Variants in MLLT3 observed in about 807,000 individuals in gnomAD.
The protein encoded by MLLT3 is protein AF-9.
A neutral mutation model predicts 53.2 loss-of-function variants in MLLT3; 4 were observed. That is an observed-to-expected ratio of 0.08 (90% CI 0.04 to 0.17). The LOEUF is 0.17. MLLT3 is among the 10% of genes least tolerant of loss of function. The pLI is 1.00. For missense variants in MLLT3, 569 were observed against 684.0 expected, an observed-to-expected ratio of 0.83 and a Z score of 1.87; for synonymous variants, 283 against 230.6, an observed-to-expected ratio of 1.23 and a Z score of -2.06.
chr9:20,432,013 C>T (rs1324333630), intron 4 of MLLT3, among the ~76,000 whole-genome samples: 5 of 151,970 alleles, frequency 3.3e-5, no homozygotes, highest in East Asian at 1.9e-4. Context: ...GCAAAGGAAT[C>T]GAGTGAGAGG....
At chr9:20,590,154 G>A (rs1000629807) in intron 2 of MLLT3, among the ~76,000 whole-genome samples, 6 of 152,124 alleles carry the variant, frequency 3.9e-5, no homozygotes, top group Non-Finnish European at 7.3e-5. Context: ...CTCTAACTTA[G>A]TAGGCTTCCA....
chr9:20,619,746 C>A (rs1234913078), intron 2 of MLLT3, among the ~76,000 whole-genome samples: 2 of 152,208 alleles, frequency 1.3e-5, no homozygotes, highest in African/African-American at 4.8e-5. Flanking sequence ...CTTTAAATTT[C>A]TTTCAAAATG....
intron 5 of MLLT3, among the ~76,000 whole-genome samples, chr9:20,389,529 C>A (rs1431950900): frequency 2.6e-5 from 4 of 152,050 alleles, no homozygotes; most frequent in Non-Finnish European, 5.9e-5. Context: ...AATCTCAGTG[C>A]TTTGGGAGGC....
intron 4 of MLLT3, among the ~76,000 whole-genome samples, chr9:20,425,649 TCAAG>T (rs939771357): frequency 9.9e-5 from 15 of 152,112 alleles, no homozygotes; most frequent in Non-Finnish European, 1.5e-4. Flanking sequence ...CAAACTACAA[TCAAG>T]CATCAATCTA....
In MLLT3 at chr9:20,448,036, A is replaced by G; in HGVS notation, c.420+87T>C. ...CCTCTCCCAAAACCTTATACTTTTT[A>G]ACACATGAGGAACTAGTTTGTTTGT... On this transcript the variant is annotated intron_variant, in intron 4 of 10. Coordinates refer to ENST00000380338, the MANE Select transcript of MLLT3 (RefSeq NM_004529.4). The surrounding 1 kb of genome is among the most constrained non-coding windows in gnomAD (Gnocchi z 4.0). 7.0e-7 allele frequency: 1 copy of G among 1,431,672 alleles called. No individual in the cohort carries two copies. Among genetic ancestry groups the G allele is most frequent in the Non-Finnish European group, 9.5e-7 (1 of 1,054,824 alleles). 88.7% of individuals were successfully genotyped at this position (1,431,672 alleles called of 1,614,324 possible). A position where few individuals can be genotyped will look rare whatever the true frequency, so the allele number is the denominator to read the frequency against.
At chr9:20,557,224 G>A (rs1819083575) in intron 2 of MLLT3, among the ~76,000 whole-genome samples, 1 of 152,050 alleles carries the variant, frequency 6.6e-6, no homozygotes, top group Non-Finnish European at 1.5e-5. Context: ...GTCAGGTGCT[G>A]TGAACTGCTA....
At position 20,342,579 on chromosome 9, in the gene MLLT3, G is replaced by A. The variant is rs1383927576; in HGVS notation, c.*3864C>T. On this transcript the variant is annotated 3_prime_UTR_variant, in exon 11 of 11. Coordinates refer to ENST00000380338, the MANE Select transcript of MLLT3 (RefSeq NM_004529.4). ...TACACATTTACAGTTTACAGACAGC[G>A]GTGGCTTTGTCTTCCTTTTAAATTG... is the stretch of plus-strand genomic sequence containing the variant. 2 of 219,088 alleles carry A rather than the reference G, an allele frequency of 9.1e-6. No individual in the cohort carries two copies. The highest frequency in any genetic ancestry group is 1.9e-4 in the South Asian group (1 of 5,402). The allele number at this position is 219,088 out of a possible 1,614,324, so 13.6% of individuals were successfully genotyped here. A position where few individuals can be genotyped will look rare whatever the true frequency, so the allele number is the denominator to read the frequency against.
rs1819741225 is a variant in MLLT3 at position 20,579,715 on chromosome 9, C to CCCCA, written c.193+40935_193+40938dup. On this transcript the variant is annotated intron_variant, in intron 2 of 10. Coordinates refer to ENST00000380338, the MANE Select transcript of MLLT3 (RefSeq NM_004529.4). ...AGGGTAAAAGAGCTCTTTGCTCTAA[C>CCCCA]CCCACCCTTTTTACTCACTACTAAG... 2.6e-5 allele frequency among the ~76,000 whole-genome samples: 4 copies of CCCCA among 152,242 alleles called. No homozygotes were observed. The South Asian group carries it at 8.3e-4, about 32-fold the overall frequency.
chr9:20,516,829 G>T (rs1355852811), intron 2 of MLLT3, among the ~76,000 whole-genome samples: 2 of 152,066 alleles, frequency 1.3e-5, no homozygotes, highest in African/African-American at 4.8e-5. Flanking sequence ...TCCCTAGAAG[G>T]TATATTATTT....
At chr9:20,440,450 G>A (rs755590737) in intron 4 of MLLT3, among the ~76,000 whole-genome samples, 2 of 152,062 alleles carry the variant, frequency 1.3e-5, no homozygotes, top group Non-Finnish European at 2.9e-5. Context: ...AAGAAAACAG[G>A]CAGAAAACAA....
chr9:20,401,013 G>A (rs965608414), intron 5 of MLLT3, among the ~76,000 whole-genome samples: 37 of 152,126 alleles, frequency 2.4e-4, no homozygotes, highest in African/African-American at 8.5e-4. Context: ...GAGTTAATGT[G>A]ATAAGAATCC....
intron 2 of MLLT3, among the ~76,000 whole-genome samples, chr9:20,611,508 C>CA (rs1413684861): frequency 6.6e-6 from 1 of 151,910 alleles, no homozygotes; most frequent in Non-Finnish European, 1.5e-5. Context: ...CTAGTTTTGA[C>CA]AAAATCAAAT....
At chr9:20,417,386 T>C (rs935144152) in intron 4 of MLLT3, among the ~76,000 whole-genome samples, 1 of 148,008 alleles carries the variant, frequency 6.8e-6, no homozygotes, top group Non-Finnish European at 1.5e-5. Flanking sequence ...TATATAAATA[T>C]GTATATCTGA....
At chr9:20,481,202 C>T (rs904541070) in intron 2 of MLLT3, among the ~76,000 whole-genome samples, 1 of 152,192 alleles carries the variant, frequency 6.6e-6, no homozygotes, top group Non-Finnish European at 1.5e-5. Context: ...TGTTTGGGAA[C>T]TGGAATATTA....
At chr9:20,371,613 C>T (rs1187515344) in intron 5 of MLLT3, among the ~76,000 whole-genome samples, 5 of 152,188 alleles carry the variant, frequency 3.3e-5, no homozygotes, top group African/African-American at 1.2e-4. Context: ...TTTGAGCCCA[C>T]TGTTGAGACC....
chr9:20,472,384 C>T (rs12001320), intron 2 of MLLT3, among the ~76,000 whole-genome samples: 2 of 151,986 alleles, frequency 1.3e-5, no homozygotes, highest in Non-Finnish European at 2.9e-5. Flanking sequence ...TCCCAAACAT[C>T]GCACATTTAT....
At position 20,457,741 on chromosome 9, in the gene MLLT3, A is replaced by C. The variant is rs147031567; in HGVS notation, c.194-955T>G. On this transcript the variant is annotated intron_variant, in intron 2 of 10. Coordinates refer to ENST00000380338, the MANE Select transcript of MLLT3 (RefSeq NM_004529.4). ...AGAAACAATAAGGCTTTTATTTCTC[A>C]TGGAGTTAAAAGGAAGCAAGACTAT... Among the ~76,000 whole-genome samples, 288 of 152,342 alleles carry C rather than the reference A, an allele frequency of 1.9e-3. 4 individuals are homozygous for C. The highest frequency in any genetic ancestry group is 0.01 in the Middle Eastern group (3 of 294).
intron 2 of MLLT3, among the ~76,000 whole-genome samples, chr9:20,491,044 T>C (rs376884184): frequency 5.6e-4 from 86 of 152,250 alleles, no homozygotes; most frequent in African/African-American, 1.9e-3. Context: ...TGGTTTAAAA[T>C]GAAAAGGTTC....
At chr9:20,351,180 T>C (rs2118598882) in intron 10 of MLLT3, among the ~76,000 whole-genome samples, 1 of 152,356 alleles carries the variant, frequency 6.6e-6, no homozygotes, top group African/African-American at 2.4e-5. Flanking sequence ...GGGAGGGTTC[T>C]CTGGGTTCTT....
Sources: allele counts gnomAD v4.1 joint callset (sites outside exome capture counted in the v4.1 genomes callset), GRCh38; gene constraint gnomAD v4.1.1; non-coding constraint Gnocchi (gnomAD v3.1); transcripts MANE v1.5; gene names NCBI Gene and HGNC (gene_info 2026-07-23, HGNC 2026-07-21).